EED: variants seen among roughly 807,000 people sequenced by gnomAD.
EED encodes polycomb protein EED.
In EED, 9 loss-of-function variants were observed where a neutral mutation model predicts 61.0. The ratio of observed to expected loss-of-function variants is 0.15; its 90% confidence interval spans 0.09 to 0.26. The LOEUF (loss-of-function observed/expected upper bound fraction) is 0.26. Ranked by LOEUF, EED falls within the 10% of genes least tolerant of loss-of-function variation. EED has a pLI of 1.00. For missense variants in EED, 315 were observed against 542.3 expected (o/e 0.58, Z 4.16); for synonymous variants, 187 against 174.4 (o/e 1.07, Z -0.57).
chr11:86,257,627 G>A, intron 6 of EED, 31 bp downstream of exon 6: 1 of 1,567,822 alleles, frequency 6.4e-7, no homozygotes, highest in Non-Finnish European at 8.7e-7. Context: ...TTGAGTCTGT[G>A]CAATTTGTCA....
intron 4 of EED, 26 bp downstream of exon 4, chr11:86,255,313 C>T (rs1001007805): frequency 1.9e-6 from 3 of 1,563,878 alleles, no homozygotes; most frequent in South Asian, 1.2e-5. Flanking sequence ...TTTTTAATAT[C>T]TTTAGTCAAA....
At chr11:86,254,137 T>C (rs1289446600) in intron 3 of EED, among the ~76,000 whole-genome samples, 1 of 150,754 alleles carries the variant, frequency 6.6e-6, no homozygotes, top group Admixed American at 6.6e-5. Flanking sequence ...GTATGTATAG[T>C]TTTAATTTTA....
At chr11:86,250,594 T>C in intron 2 of EED, 146 bp downstream of exon 2, 3 of 944,986 alleles carry the variant, frequency 3.2e-6, no homozygotes, top group Non-Finnish European at 4.3e-6. Context: ...TTTTTTGTAG[T>C]TCAGACTGCG....
intron 1 of EED, among the ~76,000 whole-genome samples, chr11:86,249,246 G>A (rs1945465541): frequency 6.6e-6 from 1 of 152,014 alleles, no homozygotes; most frequent in South Asian, 2.1e-4. Flanking sequence ...TGTTGAGTAC[G>A]TACTGCTTGC....
At chr11:86,249,777 G>T (rs1475601245) in intron 1 of EED, among the ~76,000 whole-genome samples, 1 of 152,136 alleles carries the variant, frequency 6.6e-6, no homozygotes, top group Non-Finnish European at 1.5e-5. Context: ...TGAATAACAG[G>T]ATTTTAAAAA....
chr11:86,266,033 A>G, intron 7 of EED, 50 bp from the exon 8 acceptor site: 1 of 1,499,936 alleles, frequency 6.7e-7, no homozygotes, highest in Non-Finnish European at 9.0e-7. Flanking sequence ...AATTGGATAA[A>G]TATAATTTGG....
chr11:86,257,063 A>G (rs7107331), intron 5 of EED, among the ~76,000 whole-genome samples: 151,569 of 151,570 alleles, frequency 1, 75,784 homozygotes, highest in Middle Eastern at 1. Flanking sequence ...TCTGAGACAG[A>G]TTCTGACTCC....
intron 1 of EED, among the ~76,000 whole-genome samples, chr11:86,245,780 G>A (rs989104267): frequency 6.6e-6 from 1 of 152,150 alleles, no homozygotes; most frequent in Non-Finnish European, 1.5e-5. Context: ...GGAATTTTCA[G>A]GATGGAAAGT....
At chr11:86,269,473 C>T (rs1946059708) in intron 9 of EED, among the ~76,000 whole-genome samples, 1 of 152,272 alleles carries the variant, frequency 6.6e-6, no homozygotes, top group Admixed American at 6.5e-5. Flanking sequence ...TTTCAGGCCA[C>T]TTCACATTTT....
chr11:86,270,073 T>G (rs2138211051), intron 9 of EED: 1 of 698,754 alleles, frequency 1.4e-6, no homozygotes, highest in Admixed American at 2.0e-5. Flanking sequence ...ACTGCCAAAC[T>G]ATTTTCCAGA....
At chr11:86,251,878 ATAT>A (rs1223759007) in intron 2 of EED, among the ~76,000 whole-genome samples, 31 of 152,242 alleles carry the variant, frequency 2.0e-4, no homozygotes, top group Non-Finnish European at 4.1e-4. Flanking sequence ...AAAAAGGCAA[ATAT>A]TATAAGTGTT....
At chr11:86,253,463 A>G (rs1218845141) in intron 3 of EED, among the ~76,000 whole-genome samples, 1 of 152,214 alleles carries the variant, frequency 6.6e-6, no homozygotes, top group African/African-American at 2.4e-5. Context: ...TAGGTTTTCT[A>G]ACAAAAAGAA....
At chr11:86,282,735 T>C (rs796946023), downstream of EED, among the ~76,000 whole-genome samples, 13 of 152,246 alleles carry the variant, frequency 8.5e-5, no homozygotes, top group African/African-American at 3.1e-4. Flanking sequence ...TTTTAGGCCT[T>C]GCCATACAGT....
rs751356706 is a variant in EED, at chr11:86,245,255, C to T, written c.26C>T (p.Ala9Val). ...ATGTCCGAGAGGGAAGTGTCGACTG[C>T]GCCGGCGGGAACAGACATGCCTGCG... MSEREVST[A>V]PAGTDMPAAK... is the part of the protein sequence containing the mutation. Residue 9 changes from alanine to valine, a missense_variant, in exon 1 of 12, where the codon GCG (alanine) becomes GTG (valine). By Grantham distance (64) the Ala-to-Val change is moderately conservative. This residue lies in a region of EED where 110 missense variants were observed against 86.9 expected (regional missense o/e 1.27). Coordinates refer to ENST00000263360, the MANE Select transcript of EED (RefSeq NM_003797.5). 3.1e-6 allele frequency: 5 copies of T among 1,612,948 alleles called. No individual in the cohort carries two copies. The highest frequency in any genetic ancestry group is 3.4e-6 in the Non-Finnish European group (4 of 1,179,770).
chr11:86,278,226 A>G, intron 11 of EED, 173 bp from the exon 12 acceptor site: 2 of 1,336,004 alleles, frequency 1.5e-6, no homozygotes, highest in Non-Finnish European at 1.9e-6. Context: ...TTGAACTTAA[A>G]ATATATCTAA....
chr11:86,277,803 A>G, intron 10 of EED, 115 bp from the exon 11 acceptor site: 2 of 951,220 alleles, frequency 2.1e-6, no homozygotes, highest in Non-Finnish European at 2.9e-6. Flanking sequence ...AGCCAAGAGC[A>G]CAGAGGCTGG....
In EED at chr11:86,250,519, C is replaced by T. The variant is rs369401319; in HGVS notation, c.267+71C>T. The T allele has an allele frequency of 7.1e-6, 10 of 1,400,130 alleles. No individual in the cohort carries two copies. In the East Asian group the frequency reaches 1.6e-4, roughly 23 times the overall value. 86.7% of individuals were successfully genotyped at this position (1,400,130 alleles called of 1,614,324 possible). A position where few individuals can be genotyped will look rare whatever the true frequency, so the allele number is the denominator to read the frequency against. ...AATTATTTCTCTGTGGCACGCATTT[C>T]GTACTCAGGATACTCTGTCAAGTTG... On this transcript the variant is annotated intron_variant, in intron 2 of 11. Transcript: ENST00000263360.
At chr11:86,273,488 C>T (rs942604628) in intron 9 of EED, among the ~76,000 whole-genome samples, 1 of 152,150 alleles carries the variant, frequency 6.6e-6, no homozygotes, top group Non-Finnish European at 1.5e-5. Context: ...ACTCATTTTG[C>T]ATTTTCTGTT....
chr11:86,259,160 G>T (rs1286388672), intron 6 of EED, among the ~76,000 whole-genome samples: 1 of 149,690 alleles, frequency 6.7e-6, no homozygotes, highest in Non-Finnish European at 1.5e-5. Flanking sequence ...GAGCCACTGC[G>T]CACAGCCCAA....
Sources: gnomAD v4.1 joint callset for allele counts (sites outside exome capture counted in the v4.1 genomes callset) on GRCh38, gnomAD v4.1.1 for gene constraint, gnomAD v4.1.1 regional missense constraint, MANE v1.5 for transcripts, NCBI Gene and HGNC (gene_info 2026-07-23, HGNC 2026-07-21) for gene names.